The following ABCA1 variants were observed in gnomAD, a reference collection of about 807,000 sequenced individuals.
ABCA1 encodes the protein phospholipid-transporting ATPase ABCA1.
In ABCA1, 133 loss-of-function variants were observed where a neutral mutation model predicts 262.5. The observed-to-expected ratio is 0.51, with a 90% confidence interval of 0.44 to 0.59. The LOEUF is 0.59. ABCA1 is among the 20% of genes least tolerant of loss of function. The pLI, the probability that ABCA1 is intolerant of heterozygous loss-of-function variation, is 0.00. For missense variants in ABCA1, 2,452 were observed against 2,777.5 expected (o/e 0.88, Z 2.63); for synonymous variants, 1,022 against 1,043.5 (o/e 0.98, Z 0.40).
Position 104,896,785 on chromosome 9 carries a change from C to T in ABCA1, c.66+6829G>A, listed in dbSNP as rs536513518. Among the ~76,000 whole-genome samples the T allele has an allele frequency of 4.3e-5, 5 of 115,122 alleles. No individual in the cohort carries two copies. The East Asian group carries it at 1.2e-3, about 28-fold the overall frequency. 75.5% of individuals were successfully genotyped at this position (115,122 alleles called of 152,430 possible). On this transcript the variant is annotated intron_variant, in intron 2 of 49. Coordinates refer to ENST00000374736, the MANE Select transcript of ABCA1 (RefSeq NM_005502.4). ...TCACTCTGTTGCCCAGGCTGGAGTA[C>T]AGTAGTATGGTCATAGCTCACTGCA...
chr9:104,806,191 C>T (rs747090799), intron 31 of ABCA1, 50 bp downstream of exon 31: 2 of 1,572,530 alleles, frequency 1.3e-6, no homozygotes, highest in Non-Finnish European at 1.7e-6. Context: ...CGGAAGCTAC[C>T]AGCCCATCCT....
chr9:104,810,795 C>T lies in ABCA1; in HGVS notation c.4175+5G>A. Reference sequence around the variant, plus strand: ...CCCCTCCTGGGATGTAGAAGACAAACATACCTGACAAATGTGTACTGTTCG... The same window carrying T: ...CCCCTCCTGGGATGTAGAAGACAAATATACCTGACAAATGTGTACTGTTCG... On this transcript the variant is annotated splice_donor_5th_base_variant and intron_variant, in intron 29 of 49. Coordinates refer to ENST00000374736, the MANE Select transcript of ABCA1 (RefSeq NM_005502.4). 6.2e-7 allele frequency: 1 copy of T among 1,614,202 alleles called. No homozygotes were observed. Among genetic ancestry groups the T allele is most frequent in the Non-Finnish European group, 8.5e-7 (1 of 1,180,028 alleles).
intron 1 of ABCA1, among the ~76,000 whole-genome samples, chr9:104,923,206 A>G (rs1456052564): frequency 6.6e-6 from 1 of 152,214 alleles, no homozygotes; most frequent in Non-Finnish European, 1.5e-5. Flanking sequence ...AATTCACCAA[A>G]GTTAGGTTTT....
chr9:104,885,190 C>T (rs912218530), intron 3 of ABCA1, among the ~76,000 whole-genome samples: 4 of 152,210 alleles, frequency 2.6e-5, no homozygotes, highest in Admixed American at 6.5e-5. Flanking sequence ...GAGCCAAGAT[C>T]GCGCCATTTC....
At position 104,862,651 on chromosome 9, in the gene ABCA1, G is replaced by GGCAGC. The variant is rs1473814974; in HGVS notation, c.422-852_422-851insGCTGC. ...CAGACTGCCGGGCCGGGCCGGGCCG[G>GGCAGC]GCCGGGCCGGGCCGGGCCGGGCCGG... On this transcript the variant is annotated intron_variant, in intron 5 of 49. Transcript: ENST00000374736. Among the ~76,000 whole-genome samples the GGCAGC allele has an allele frequency of 1.5e-3, 10 of 6,726 alleles. 2 individuals are homozygous for GGCAGC. Among genetic ancestry groups the GGCAGC allele is most frequent in the East Asian group, 0.01 (2 of 194 alleles). 4.4% of individuals were successfully genotyped at this position (6,726 alleles called of 152,430 possible). A position where few individuals can be genotyped will look rare whatever the true frequency, so the allele number is the denominator to read the frequency against.
intron 1 of ABCA1, 88 bp from the exon 2 acceptor site, chr9:104,903,859 C>T: frequency 1.5e-6 from 1 of 651,166 alleles, no homozygotes; most frequent in Non-Finnish European, 2.8e-6. Context: ...GCCCTCTCAG[C>T]TGAGACCTCC....
rs777372679 is a variant in ABCA1 at position 104,903,648 on chromosome 9, A to G, written c.32T>C (p.Leu11Pro). 1.3e-6 allele frequency: 2 copies of G among 1,590,528 alleles called. No homozygotes were observed. Among genetic ancestry groups the G allele is most frequent in the Non-Finnish European group, 1.7e-6 (2 of 1,168,018 alleles). The change falls in exon 2 of 50, where the codon CTG becomes CCG. Residue 11 changes from leucine to proline, a missense_variant. Transcript: ENST00000374736. ...TCTTCTGAAAGTGAGGTTCTTCCAC[A>G]GCAGCAACCTCAGCTGAGGCCAACA... MACWPQLRLL[L>P]WKNLTFRRRQ...
At chr9:104,823,788 A>T (rs971715839) in intron 18 of ABCA1, among the ~76,000 whole-genome samples, 1 of 152,166 alleles carries the variant, frequency 6.6e-6, no homozygotes, top group East Asian at 1.9e-4. Flanking sequence ...AGGTGTAAAG[A>T]GGAGGTAGGA....
intron 5 of ABCA1, among the ~76,000 whole-genome samples, chr9:104,862,636 G>GCCCCCCCCCC (rs1836532053): frequency 7.7e-4 from 1 of 1,306 alleles, no homozygotes; most frequent in Non-Finnish European, 2.1e-3. Context: ...CAGACTGCCG[G>GCCCCCCCCCC]GCCGGGCCGG....
chr9:104,808,919 CACTT>C (rs1831028924), intron 30 of ABCA1, among the ~76,000 whole-genome samples: 1 of 152,234 alleles, frequency 6.6e-6, no homozygotes, highest in Non-Finnish European at 1.5e-5. Flanking sequence ...CCCCTACACT[CACTT>C]AAGGGTCATA....
intron 5 of ABCA1, among the ~76,000 whole-genome samples, chr9:104,863,907 C>G (rs140427187): frequency 1.3e-5 from 2 of 152,188 alleles, no homozygotes; most frequent in Non-Finnish European, 2.9e-5. Flanking sequence ...AGGGAGCATG[C>G]GAAAATGCAG....
chr9:104,822,262 T>C (rs966392924), intron 19 of ABCA1, among the ~76,000 whole-genome samples: 3 of 152,218 alleles, frequency 2.0e-5, no homozygotes, highest in African/African-American at 7.2e-5. Context: ...TTCTGTGAAC[T>C]ACATGGGAAA....
intron 30 of ABCA1, among the ~76,000 whole-genome samples, chr9:104,806,828 G>T (rs1830810320): frequency 6.6e-6 from 1 of 152,132 alleles, no homozygotes; most frequent in African/African-American, 2.4e-5. Flanking sequence ...GTATGCCCAT[G>T]GAGGAGACGA....
chr9:104,909,396 G>A (rs909484414), intron 1 of ABCA1, among the ~76,000 whole-genome samples: 14 of 152,160 alleles, frequency 9.2e-5, no homozygotes, highest in African/African-American at 2.7e-4. Flanking sequence ...GAAAAATAAA[G>A]CAGAGTAAGG....
chr9:104,886,289 A>C (rs1199271621), intron 3 of ABCA1, among the ~76,000 whole-genome samples: 1 of 152,182 alleles, frequency 6.6e-6, no homozygotes, highest in Non-Finnish European at 1.5e-5. Flanking sequence ...AAGTTAATCC[A>C]AAGTCAGGAC....
At chr9:104,883,287 A>G (rs1838850964) in intron 4 of ABCA1, 130 bp from the exon 5 acceptor site, 2 of 778,348 alleles carry the variant, frequency 2.6e-6, no homozygotes, top group Non-Finnish European at 2.3e-6. Flanking sequence ...GCCCTAACCC[A>G]CTCCCATGGC....
At position 104,858,906 on chromosome 9, in the gene ABCA1, C is replaced by A. The variant is rs72732684; in HGVS notation, c.544-208G>T. Among the ~76,000 whole-genome samples, 520 of 152,316 alleles carry A rather than the reference C, an allele frequency of 3.4e-3. 2 individuals carry two copies. Among genetic ancestry groups the A allele is most frequent in the Non-Finnish European group, 5.2e-3 (351 of 68,024 alleles). The stretch of plus-strand genomic sequence containing the variant: ...AGGCACAATGACAGGACACTTAAAA[C>A]CTGCAAGTTGCATTAACTCAGTATC... On this transcript the variant is annotated intron_variant, in intron 6 of 49. Coordinates refer to ENST00000374736, the MANE Select transcript of ABCA1 (RefSeq NM_005502.4).
At chr9:104,795,414 A>G (rs2118872887) in intron 39 of ABCA1, among the ~76,000 whole-genome samples, 1 of 152,334 alleles carries the variant, frequency 6.6e-6, no homozygotes, top group East Asian at 1.9e-4. Flanking sequence ...CCATACCTGG[A>G]AGAACTGACA....
intron 1 of ABCA1, among the ~76,000 whole-genome samples, chr9:104,914,009 C>T (rs1216098315): frequency 6.6e-6 from 1 of 151,654 alleles, no homozygotes; most frequent in East Asian, 2.0e-4. Context: ...CCGTGTTAGC[C>T]AGGATGGTCT....
Sources: allele counts gnomAD v4.1 joint callset (sites outside exome capture counted in the v4.1 genomes callset), GRCh38; gene constraint gnomAD v4.1.1; transcripts MANE v1.5; gene names NCBI Gene and HGNC (gene_info 2026-07-23, HGNC 2026-07-21).